DROSHA: variants seen among roughly 807,000 people sequenced by gnomAD.
DROSHA encodes ribonuclease 3.
In DROSHA, 56 loss-of-function variants were observed where a neutral mutation model predicts 181.9. The observed-to-expected ratio is 0.31, with a 90% CI of 0.25 to 0.38. DROSHA has a LOEUF of 0.38. Among genes scored for constraint, DROSHA ranks in the 10% least tolerant of loss-of-function variants. The pLI is 1.00. For missense variants in DROSHA, 1,218 were observed against 1,743.5 expected (o/e 0.70, Z 5.37); for synonymous variants, 524 against 591.2 (o/e 0.89, Z 1.65).
chr5:31,523,404 C>T (rs530157216), intron 5 of DROSHA, among the ~76,000 whole-genome samples: 2 of 152,244 alleles, frequency 1.3e-5, no homozygotes, highest in South Asian at 2.1e-4. Flanking sequence ...TACTGAGATC[C>T]GCAATTCACA....
At chr5:31,444,082 T>C (rs1002838106) in intron 23 of DROSHA, among the ~76,000 whole-genome samples, 24 of 152,184 alleles carry the variant, frequency 1.6e-4, no homozygotes, top group African/African-American at 5.5e-4. Context: ...CAAGGTTACA[T>C]GGGCACGACA....
intron 26 of DROSHA, 44 bp from the exon 27 acceptor site, chr5:31,429,589 A>C: frequency 6.4e-7 from 1 of 1,550,760 alleles, no homozygotes; most frequent in South Asian, 1.2e-5. Context: ...CTCCATCAAC[A>C]GTCAAAGAAA....
At chr5:31,504,869 C>T (rs568110029) in intron 10 of DROSHA, among the ~76,000 whole-genome samples, 1 of 152,256 alleles carries the variant, frequency 6.6e-6, no homozygotes, top group Non-Finnish European at 1.5e-5. Flanking sequence ...TTTGTGCAGC[C>T]AAGCAGAAAA....
At position 31,449,894 on chromosome 5, in the gene DROSHA, C is replaced by T. The variant is rs138579005; in HGVS notation, c.2683-475G>A. 5.3e-3 allele frequency among the ~76,000 whole-genome samples: 811 copies of T among 152,182 alleles called. 9 individuals carry two copies. The highest frequency in any genetic ancestry group is 6.7e-3 in the Non-Finnish European group (459 of 68,006). ...ACAACCTTCAGAATGGCAGAAAATA[C>T]TTGCATACTATATATCCAACAAAGG... On this transcript the variant is annotated intron_variant, in intron 21 of 35. Coordinates refer to ENST00000344624, the MANE Select transcript of DROSHA (RefSeq NM_001382508.1).
chr5:31,522,142 G>C, intron 5 of DROSHA, among the ~76,000 whole-genome samples: 1 of 152,146 alleles, frequency 6.6e-6, no homozygotes, highest in East Asian at 1.9e-4. Context: ...AATAGAAATT[G>C]CTTTCCACTT....
At chr5:31,405,640 A>T (rs1579969385) in intron 35 of DROSHA, 37 bp downstream of exon 35, 1 of 1,519,984 alleles carries the variant, frequency 6.6e-7, no homozygotes, top group Admixed American at 2.3e-5. Context: ...CACTCATTAC[A>T]TTATGAACAT....
intron 33 of DROSHA, among the ~76,000 whole-genome samples, chr5:31,407,793 T>C (rs1226345039): frequency 6.6e-6 from 1 of 152,194 alleles, no homozygotes; most frequent in Non-Finnish European, 1.5e-5. Flanking sequence ...TTCTTGAAGG[T>C]AGTACTATTA....
At chr5:31,467,833 G>A (rs1243946341) in intron 18 of DROSHA, 106 bp downstream of exon 18, 2 of 1,411,898 alleles carry the variant, frequency 1.4e-6, no homozygotes, top group East Asian at 5.1e-5. Context: ...CTCATTTCAG[G>A]TCTTAATTTT....
At chr5:31,476,117 C>T (rs1470363107) in intron 16 of DROSHA, among the ~76,000 whole-genome samples, 1 of 152,190 alleles carries the variant, frequency 6.6e-6, no homozygotes, top group African/African-American at 2.4e-5. Context: ...GTAATCCCAG[C>T]ACTTTGGGAG....
rs1040109290 is a variant in DROSHA at position 31,463,790 on chromosome 5, T to C, written c.2574+446A>G. Among the ~76,000 whole-genome samples the C allele has an allele frequency of 3.3e-5, 5 of 152,232 alleles. No homozygotes were observed. The South Asian group carries it at 1.0e-3, about 31-fold the overall frequency. Reference sequence around the variant, plus strand: ...AGTATACACTGATTCTGTTCATTAATGCCTTCAGTTCTCTGCAATATAAAT... The same window carrying C: ...AGTATACACTGATTCTGTTCATTAACGCCTTCAGTTCTCTGCAATATAAAT... On this transcript the variant is annotated intron_variant, in intron 20 of 35. Coordinates refer to ENST00000344624, the MANE Select transcript of DROSHA (RefSeq NM_001382508.1).
In DROSHA at chr5:31,521,113, C is replaced by CG; in HGVS notation, c.947+9_947+10insC. On this transcript the variant is annotated intron_variant, in intron 6 of 35. Transcript: ENST00000344624. ...CCTATGACTTCTTTCAGTGTCAACTCCTTGCTTACCTTCCAGATCTCTTAT... is the reference window on the plus strand; with the variant it reads ...CCTATGACTTCTTTCAGTGTCAACTCGCTTGCTTACCTTCCAGATCTCTTAT... The CG allele has an allele frequency of 6.2e-7, 1 of 1,613,230 alleles. No individual in the cohort carries two copies. Among genetic ancestry groups the CG allele is most frequent in the South Asian group, 1.1e-5 (1 of 91,008 alleles).
At position 31,454,649 on chromosome 5, in the gene DROSHA, A is replaced by G. The variant is rs942848781; in HGVS notation, c.2575-3009T>C. 2.6e-4 allele frequency among the ~76,000 whole-genome samples: 39 copies of G among 152,148 alleles called. 1 individual carries two copies. The highest frequency in any genetic ancestry group is 2.6e-3 in the Admixed American group (39 of 15,266). ...AATAACATCCTTGCTGATAATAAAA[A>G]CATTCCAGAGGCCCGGCACAGTGGT... On this transcript the variant is annotated intron_variant, in intron 20 of 35. Transcript: ENST00000344624.
chr5:31,530,058 C>T (rs890831568), intron 3 of DROSHA, among the ~76,000 whole-genome samples: 1 of 152,094 alleles, frequency 6.6e-6, no homozygotes, highest in Non-Finnish European at 1.5e-5. Context: ...TCAAATGGCT[C>T]ATGAAAATAA....
intron 3 of DROSHA, among the ~76,000 whole-genome samples, chr5:31,530,095 G>C (rs747611823): frequency 1.3e-5 from 2 of 152,090 alleles, no homozygotes; most frequent in East Asian, 1.9e-4. Context: ...CAGTCAGTGT[G>C]CTTAATAAAT....
At chr5:31,407,783 T>G (rs1343802040) in intron 33 of DROSHA, among the ~76,000 whole-genome samples, 1 of 152,200 alleles carries the variant, frequency 6.6e-6, no homozygotes, top group African/African-American at 2.4e-5. Flanking sequence ...CACGAGTGGC[T>G]TCTTGAAGGT....
Position 31,495,270 on chromosome 5 carries a change from T to C in DROSHA, c.1755+16A>G, listed in dbSNP as rs750682020. 6.2e-7 allele frequency: 1 copy of C among 1,611,336 alleles called. No individual in the cohort carries two copies. The highest frequency in any genetic ancestry group is 1.1e-5 in the South Asian group (1 of 90,566). On this transcript the variant is annotated intron_variant, in intron 12 of 35. Transcript: ENST00000344624. The stretch of plus-strand genomic sequence containing the variant: ...TACATTTTAAATGATATGCATGTGA[T>C]TCTTTAGAAACTTACTAAAAAGTTC...
At position 31,445,126 on chromosome 5, in the gene DROSHA, C is replaced by G. The variant is rs533719995; in HGVS notation, c.2882+3421G>C. On this transcript the variant is annotated intron_variant, in intron 23 of 35. Transcript: ENST00000344624. ...CCCCAGAATGATAAGCATAGCTATT[C>G]CACTTTCCAACTCCCCATCTTAAAA... Among the ~76,000 whole-genome samples the G allele has an allele frequency of 3.0e-4, 45 of 152,316 alleles. 1 individual carries two copies. The Middle Eastern group carries it at 0.017, about 58-fold the overall frequency.
intron 21 of DROSHA, 95 bp from the exon 22 acceptor site, chr5:31,449,514 G>C: frequency 7.4e-7 from 1 of 1,358,604 alleles, no homozygotes; most frequent in Non-Finnish European, 9.9e-7. Context: ...GACCACTTTA[G>C]CCCAGGAGAT....
intron 35 of DROSHA, among the ~76,000 whole-genome samples, chr5:31,401,910 T>G (rs745653873): frequency 6.6e-6 from 1 of 152,186 alleles, no homozygotes; most frequent in Non-Finnish European, 1.5e-5. Flanking sequence ...CAGGTGACTT[T>G]CTGGGAGAGA....
Sources: gnomAD v4.1 joint callset for allele counts (sites outside exome capture counted in the v4.1 genomes callset) on GRCh38, gnomAD v4.1.1 for gene constraint, MANE v1.5 for transcripts, NCBI Gene and HGNC (gene_info 2026-07-23, HGNC 2026-07-21) for gene names.